The following CENPP variants were observed in gnomAD, a reference collection of about 807,000 sequenced individuals.
CENPP encodes the protein centromere protein P.
A neutral mutation model predicts 35.6 loss-of-function variants in CENPP; 24 were observed. The ratio of observed to expected loss-of-function variants is 0.67; its 90% CI spans 0.49 to 0.95. The LOEUF (loss-of-function observed/expected upper bound fraction) is 0.95, where lower values mean the gene tolerates loss of function less well. Ranked by LOEUF, CENPP falls within the 40% of genes least tolerant of loss-of-function variation. The pLI, the probability that CENPP is intolerant of heterozygous loss-of-function variation, is 0.00. For missense variants in CENPP, 332 were observed against 345.3 expected (o/e 0.96, Z 0.31); for synonymous variants, 120 against 125.5 (o/e 0.96, Z 0.29).
chr9:92,456,163 A>T (rs944279577), intron 5 of CENPP: 20 of 152,250 alleles, frequency 1.3e-4, no homozygotes, highest in Non-Finnish European at 2.2e-4. Context: ...AATAGTTTAT[A>T]TTGCTGGGTG....
chr9:92,487,139 G>A (rs1041352506), intron 5 of CENPP, among the ~76,000 whole-genome samples: 3 of 152,168 alleles, frequency 2.0e-5, no homozygotes, highest in Admixed American at 6.5e-5. Context: ...ATCTGTACAA[G>A]TAATGGTTTT....
chr9:92,594,323 G>T (rs1850727836), intron 5 of CENPP, among the ~76,000 whole-genome samples: 1 of 152,118 alleles, frequency 6.6e-6, no homozygotes, highest in Non-Finnish European at 1.5e-5. Context: ...CTTGAGAAAG[G>T]CACCTTGAGT....
chr9:92,359,419 T>C (rs928966825), intron 4 of CENPP, among the ~76,000 whole-genome samples: 1 of 152,146 alleles, frequency 6.6e-6, no homozygotes, highest in Non-Finnish European at 1.5e-5. Context: ...TTCATATTTT[T>C]GTAGGCCATC....
intron 5 of CENPP, chr9:92,502,400 C>T (rs1846733391): frequency 7.7e-7 from 1 of 1,306,554 alleles, no homozygotes; most frequent in African/African-American, 1.5e-5. Flanking sequence ...GTCTCCGAGC[C>T]CTTCAGTATC....
chr9:92,543,474 A>G (rs1382382556), intron 5 of CENPP, among the ~76,000 whole-genome samples: 1 of 106,030 alleles, frequency 9.4e-6, no homozygotes, highest in African/African-American at 3.4e-5. Context: ...CCTGTCTCAA[A>G]AAAAAAAAAA....
intron 5 of CENPP, among the ~76,000 whole-genome samples, chr9:92,462,442 C>G (rs1465758524): frequency 6.6e-6 from 1 of 152,182 alleles, no homozygotes. Context: ...AGGGACTGAC[C>G]AGAAGATTCC....
chr9:92,543,095 A>C (rs980151762), intron 5 of CENPP, among the ~76,000 whole-genome samples: 1 of 152,132 alleles, frequency 6.6e-6, no homozygotes, highest in Non-Finnish European at 1.5e-5. Flanking sequence ...TTATGCCAGT[A>C]CTATGCTGTT....
At position 92,357,873 on chromosome 9, in the gene CENPP, A is replaced by G. The variant is rs574662784; in HGVS notation, c.467+12086A>G. On this transcript the variant is annotated intron_variant, in intron 4 of 7. Coordinates refer to ENST00000375587, the MANE Select transcript of CENPP (RefSeq NM_001012267.3). ...GACAGATTTTTTTTTTTCTTTTAGC[A>G]CTTTGAATATATGACCTCACTGACT... Among the ~76,000 whole-genome samples, 32 of 151,788 alleles carry G rather than the reference A, an allele frequency of 2.1e-4. 1 individual carries two copies. In the Middle Eastern group the frequency reaches 0.014, roughly 65 times the overall value.
rs374194082 is a variant in CENPP at position 92,417,434 on chromosome 9, C to A, written c.564+37575C>A. 1.1e-3 allele frequency: 1,852 copies of A among 1,614,052 alleles called. 49 individuals are homozygous for A. In the South Asian group the frequency reaches 0.019, roughly 17 times the overall value. On this transcript the variant is annotated intron_variant, in intron 5 of 7. Transcript: ENST00000375587. ...GTCTACATTTTGACGAAATGGGAAT[C>A]CTGTTTGGTAATCATCATCTGGCTC...
chr9:92,476,628 G>GT lies in CENPP; in HGVS notation c.564+96775dup, dbSNP rs1845723763. On this transcript the variant is annotated intron_variant, in intron 5 of 7. Coordinates refer to ENST00000375587, the MANE Select transcript of CENPP (RefSeq NM_001012267.3). The surrounding 1 kb of genome is among the most constrained non-coding windows in gnomAD (Gnocchi z 4.1). ...CAGGACAGATCTGAGAATGGCAAGA[G>GT]TTTTTTATATTTTAATAATCCTATG... Among the ~76,000 whole-genome samples, 1 of 152,148 alleles carries GT rather than the reference G, an allele frequency of 6.6e-6. No individual in the cohort carries two copies. Among genetic ancestry groups the GT allele is most frequent in the African/African-American group, 2.4e-5 (1 of 41,428 alleles).
chr9:92,455,538 G>A (rs556350433), intron 5 of CENPP, among the ~76,000 whole-genome samples: 1 of 152,166 alleles, frequency 6.6e-6, no homozygotes, highest in East Asian at 1.9e-4. Flanking sequence ...TGTCAAGGGA[G>A]CCAAAGTTGA....
At chr9:92,524,421 G>T (rs1406910933) in intron 5 of CENPP, among the ~76,000 whole-genome samples, 1 of 152,156 alleles carries the variant, frequency 6.6e-6, no homozygotes, top group Non-Finnish European at 1.5e-5. Flanking sequence ...GAAGTCTGGT[G>T]GCCAGGGACA....
intron 5 of CENPP, among the ~76,000 whole-genome samples, chr9:92,541,449 C>T (rs1849318772): frequency 6.8e-6 from 1 of 146,414 alleles, no homozygotes; most frequent in African/African-American, 2.5e-5. Flanking sequence ...ACACCCCCAC[C>T]CTCCTGGTTC....
At position 92,341,731 on chromosome 9, in the gene CENPP, T is replaced by G. The variant is rs1841126175; in HGVS notation, c.379-3968T>G. On this transcript the variant is annotated intron_variant, in intron 3 of 7. Transcript: ENST00000375587. ...CACAGACAGGACAGAAGCCAGACAG[T>G]GGATGTCCTGCCACTTAGGTCCTGC... is the stretch of plus-strand genomic sequence containing the variant. 2.6e-5 allele frequency: 4 copies of G among 152,426 alleles called. No homozygotes were observed. In the South Asian group the frequency reaches 8.3e-4, roughly 32 times the overall value. The allele number at this position is 152,426 out of a possible 1,614,324, so 9.4% of individuals were successfully genotyped here. A position where few individuals can be genotyped will look rare whatever the true frequency, so the allele number is the denominator to read the frequency against.
chr9:92,388,466 C>G (rs1161711936), intron 5 of CENPP, among the ~76,000 whole-genome samples: 4 of 151,710 alleles, frequency 2.6e-5, no homozygotes, highest in African/African-American at 9.7e-5. Context: ...CTGTCCTGAT[C>G]AACTTTTATA....
At chr9:92,468,784 C>T (rs761961589) in intron 5 of CENPP, among the ~76,000 whole-genome samples, 1 of 151,996 alleles carries the variant, frequency 6.6e-6, no homozygotes, top group Non-Finnish European at 1.5e-5. Flanking sequence ...TACTACTTAA[C>T]AGCTGGGGGC....
intron 1 of CENPP, among the ~76,000 whole-genome samples, chr9:92,328,062 G>A (rs983752784): frequency 1.3e-5 from 2 of 152,146 alleles, no homozygotes; most frequent in Non-Finnish European, 2.9e-5. Context: ...GAGTTTTTAA[G>A]GTTTCTTTGG....
At chr9:92,432,046 C>T (rs900263048) in intron 5 of CENPP, among the ~76,000 whole-genome samples, 4 of 152,062 alleles carry the variant, frequency 2.6e-5, no homozygotes, top group Non-Finnish European at 4.4e-5. Context: ...TAATTTTGGC[C>T]GGGCTCAGTG....
chr9:92,562,202 C>CTTT (rs373787447), intron 5 of CENPP, among the ~76,000 whole-genome samples: 9 of 133,448 alleles, frequency 6.7e-5, no homozygotes, highest in African/African-American at 2.3e-4. Context: ...TCTTTTTTTT[C>CTTT]TTTTCTTTTT....
Sources: gnomAD v4.1 joint callset for allele counts (sites outside exome capture counted in the v4.1 genomes callset) on GRCh38, gnomAD v4.1.1 for gene constraint, Gnocchi (gnomAD v3.1) non-coding constraint, MANE v1.5 for transcripts, NCBI Gene and HGNC (gene_info 2026-07-23, HGNC 2026-07-21) for gene names.